Variants in FBH1 observed in about 807,000 individuals in gnomAD.
FBH1 encodes the protein DNA 3'-5' helicase 1.
Under a neutral mutation model 115.5 loss-of-function variants are expected in FBH1, and 43 were observed. That is an observed-to-expected ratio of 0.37 (90% CI 0.29 to 0.48). FBH1 has a LOEUF of 0.48. Ranked by LOEUF, FBH1 falls within the 20% of genes least tolerant of loss-of-function variation. FBH1 has a pLI of 0.99. For missense variants in FBH1, 1,001 were observed against 1,337.3 expected (o/e 0.75, Z 3.92); for synonymous variants, 524 against 507.8 (o/e 1.03, Z -0.43).
rs1589043549 is a variant in FBH1, at chr10:5,895,150, G to A, written c.1+4804G>A. 1 of 1,613,938 alleles carries A rather than the reference G, an allele frequency of 6.2e-7. No homozygotes were observed. The highest frequency in any genetic ancestry group is 8.5e-7 in the Non-Finnish European group (1 of 1,179,904). On this transcript the variant is annotated intron_variant, in intron 1 of 20. Transcript: ENST00000362091. The surrounding 1 kb of genome is among the most constrained non-coding windows in gnomAD (Gnocchi z 5.0). ...ATCTCCACAGGAGATGCCAGAGGAC[G>A]AGTGCCCACTTGCTGGTCTTCACAG...
chr10:5,895,357 C>A lies in FBH1; in HGVS notation c.1+5011C>A, dbSNP rs767698061. 2.6e-5 allele frequency among the ~76,000 whole-genome samples: 4 copies of A among 152,166 alleles called. No individual in the cohort carries two copies. Among genetic ancestry groups the A allele is most frequent in the Non-Finnish European group, 1.5e-5 (1 of 67,990 alleles). Reference sequence around the variant, plus strand: ...TCAACTTGATTTTTTTTTGAAAAAGCAATTATTTAATAATAATATTTACTT... The same window carrying A: ...TCAACTTGATTTTTTTTTGAAAAAGAAATTATTTAATAATAATATTTACTT... On this transcript the variant is annotated intron_variant, in intron 1 of 20. Coordinates refer to ENST00000362091, the MANE Select transcript of FBH1 (RefSeq NM_178150.3). The surrounding 1 kb of genome is among the most constrained non-coding windows in gnomAD (Gnocchi z 5.0).
rs1259438417 is a variant in FBH1, at chr10:5,932,563, G to T, written c.2830-3893G>T. On this transcript the variant is annotated intron_variant, in intron 19 of 20. Transcript: ENST00000362091. The surrounding 1 kb of genome is among the most constrained non-coding windows in gnomAD (Gnocchi z 5.9). ...ATTTATGCCGTTCTCGCTCATGGACGTGGTCACTTCCAGCCTTTTGCTTTC... is the reference window on the plus strand; with the variant it reads ...ATTTATGCCGTTCTCGCTCATGGACTTGGTCACTTCCAGCCTTTTGCTTTC... 6.6e-6 allele frequency among the ~76,000 whole-genome samples: 1 copy of T among 152,166 alleles called. No homozygotes were observed. The highest frequency in any genetic ancestry group is 6.5e-5 in the Admixed American group (1 of 15,278).
Position 5,913,615 on chromosome 10 carries a change from T to C in FBH1, c.1212-132T>C, listed in dbSNP as rs767055597. ...AGATATATTTAAATCCTTTTCTTTC[T>C]TTTTTCCATTAAATGGTGGTAGGTA... is the stretch of plus-strand genomic sequence containing the variant. On this transcript the variant is annotated intron_variant, in intron 6 of 20. Coordinates refer to ENST00000362091, the MANE Select transcript of FBH1 (RefSeq NM_178150.3). This position sits in a 1 kb window ranked among gnomAD's most constrained non-coding sequence, Gnocchi z 4.4. 3.3e-6 allele frequency: 2 copies of C among 605,344 alleles called. No individual in the cohort carries two copies. The allele number at this position is 605,344 out of a possible 1,614,324, so 37.5% of individuals were successfully genotyped here.
intron 13 of FBH1, among the ~76,000 whole-genome samples, chr10:5,919,462 G>T (rs1832186431): frequency 1.3e-5 from 2 of 151,948 alleles, no homozygotes; most frequent in Admixed American, 1.3e-4. Flanking sequence ...CTCCAGCCTG[G>T]GTGACAGAAT....
At position 5,914,292 on chromosome 10, in the gene FBH1, C is replaced by G; in HGVS notation, c.1396+23C>G. ...CCGGTAAGGGAGCCCACATCAGGTT[C>G]ACGAGGTGGTGGTTTTCTGCCTTTT... On this transcript the variant is annotated intron_variant, in intron 8 of 20. Coordinates refer to ENST00000362091, the MANE Select transcript of FBH1 (RefSeq NM_178150.3). The surrounding 1 kb of genome is among the most constrained non-coding windows in gnomAD (Gnocchi z 5.2). The G allele has an allele frequency of 2.5e-6, 4 of 1,608,054 alleles. No individual in the cohort carries two copies. Among genetic ancestry groups the G allele is most frequent in the Non-Finnish European group, 3.4e-6 (4 of 1,174,452 alleles).
In FBH1 at chr10:5,925,207, T is replaced by C. The variant is rs983618794; in HGVS notation, c.2597-160T>C. The C allele has an allele frequency of 2.0e-5, 17 of 836,182 alleles. No homozygotes were observed. Among genetic ancestry groups the C allele is most frequent in the Non-Finnish European group, 3.1e-5 (17 of 550,026 alleles). The allele number at this position is 836,182 out of a possible 1,614,324, so 51.8% of individuals were successfully genotyped here. A position where few individuals can be genotyped will look rare whatever the true frequency, so the allele number is the denominator to read the frequency against. On this transcript the variant is annotated intron_variant, in intron 17 of 20. Transcript: ENST00000362091. This position sits in a 1 kb window ranked among gnomAD's most constrained non-coding sequence, Gnocchi z 4.6. The stretch of plus-strand genomic sequence containing the variant: ...CTTTTTTCTGTTCCCGACAGTTGTC[T>C]GTTCCCGACAGTTGTTTCCTCTTTC...
rs748874340 is a variant in FBH1, at chr10:5,936,505, T to G, written c.2879T>G (p.Val960Gly). The G allele has an allele frequency of 6.2e-7, 1 of 1,614,090 alleles. No individual in the cohort carries two copies. Among genetic ancestry groups the G allele is most frequent in the South Asian group, 1.1e-5 (1 of 91,084 alleles). ...ACAAGCAACGTCTTAAAAACAGGCG[T>G]GGTGCGCTGCTGCGTGGGACAGTGC... Reference protein sequence around the residue: ...ELTSNVLKTGVVRCCVGQCNN... With the variant: ...ELTSNVLKTGGVRCCVGQCNN... The change falls in exon 20 of 21, where the codon GTG (valine) becomes GGG (glycine). Residue 960 changes from valine (V) to glycine (G), a missense_variant. Val to Gly is a moderately radical substitution (Grantham distance 109, BLOSUM62 -3). Coordinates refer to ENST00000362091, the MANE Select transcript of FBH1 (RefSeq NM_178150.3). The surrounding 1 kb of genome is among the most constrained non-coding windows in gnomAD (Gnocchi z 5.6).
intron 1 of FBH1, chr10:5,893,911 A>C (rs545393905): frequency 1.2e-6 from 1 of 846,550 alleles, no homozygotes; most frequent in South Asian, 5.4e-5. Context: ...AAATATATAA[A>C]ATTATATTCT....
Position 5,911,524 on chromosome 10 carries a change from T to G in FBH1, c.1211+396T>G, listed in dbSNP as rs975757166. 2.6e-5 allele frequency among the ~76,000 whole-genome samples: 4 copies of G among 152,176 alleles called. No homozygotes were observed. Among genetic ancestry groups the G allele is most frequent in the South Asian group, 4.1e-4 (2 of 4,828 alleles). On this transcript the variant is annotated intron_variant, in intron 6 of 20. Transcript: ENST00000362091. This position sits in a 1 kb window ranked among gnomAD's most constrained non-coding sequence, Gnocchi z 5.4. Reference sequence around the variant, plus strand: ...AAAGACTCATCCACCTTATCCTCCATGCGGGAGAGGCTATGGCGTGTCGGC... The same window carrying G: ...AAAGACTCATCCACCTTATCCTCCAGGCGGGAGAGGCTATGGCGTGTCGGC...
chr10:5,924,273 G>A lies in FBH1; in HGVS notation c.2399-38G>A, dbSNP rs1205425201. 6.2e-7 allele frequency: 1 copy of A among 1,604,474 alleles called. No homozygotes were observed. The highest frequency in any genetic ancestry group is 8.5e-7 in the Non-Finnish European group (1 of 1,171,852). On this transcript the variant is annotated intron_variant, in intron 16 of 20. Transcript: ENST00000362091. This position sits in a 1 kb window ranked among gnomAD's most constrained non-coding sequence, Gnocchi z 6.2. ...GCACCTGCCACCATCTGTTAGTGGA[G>A]CTTGTGTCACCTTAATTTGTGTGTA... is the stretch of plus-strand genomic sequence containing the variant.
At chr10:5,905,405 C>T (rs1220868781) in intron 2 of FBH1, 1 of 152,324 alleles carries the variant, frequency 6.6e-6, no homozygotes, top group African/African-American at 2.4e-5. Flanking sequence ...GTAGTCCCAG[C>T]TACTTGGGAG....
rs914065517 is a variant in FBH1 at position 5,910,527 on chromosome 10, G to A, written c.1021-411G>A. ...GCGTGCGGCCCTCTCCTGTGTCTGC[G>A]TCTCTCATGCCTCTTGGGTGGGCGC... On this transcript the variant is annotated intron_variant, in intron 5 of 20. Coordinates refer to ENST00000362091, the MANE Select transcript of FBH1 (RefSeq NM_178150.3). This position sits in a 1 kb window ranked among gnomAD's most constrained non-coding sequence, Gnocchi z 4.8. 1.3e-5 allele frequency among the ~76,000 whole-genome samples: 2 copies of A among 152,076 alleles called. No homozygotes were observed. The highest frequency in any genetic ancestry group is 2.9e-5 in the Non-Finnish European group (2 of 68,030).
intron 2 of FBH1, among the ~76,000 whole-genome samples, 181 bp downstream of exon 2, chr10:5,903,356 G>A (rs1003891190): frequency 2.7e-5 from 4 of 148,988 alleles, no homozygotes; most frequent in Non-Finnish European, 4.5e-5. Context: ...TTGAGACGGA[G>A]TTTCAATCTT....
chr10:5,911,395 G>C lies in FBH1; in HGVS notation c.1211+267G>C, dbSNP rs1362708753. On this transcript the variant is annotated intron_variant, in intron 6 of 20. Transcript: ENST00000362091. This position sits in a 1 kb window ranked among gnomAD's most constrained non-coding sequence, Gnocchi z 5.4. ...TACCATCATGGGTCCTGCAGCCTTA[G>C]GGGAAGCCCCTCGCCAAGAGAAGCC... is the stretch of plus-strand genomic sequence containing the variant. Among the ~76,000 whole-genome samples the C allele has an allele frequency of 6.6e-6, 1 of 152,240 alleles. No individual in the cohort carries two copies. Among genetic ancestry groups the C allele is most frequent in the African/African-American group, 2.4e-5 (1 of 41,466 alleles).
At chr10:5,890,459 C>T (rs1842637937) in intron 1 of FBH1, 113 bp downstream of exon 1, 3 of 327,864 alleles carry the variant, frequency 9.2e-6, no homozygotes, top group South Asian at 2.8e-4. Flanking sequence ...GCAGCGGGGG[C>T]CCCGGGGGCG....
At position 5,904,314 on chromosome 10, in the gene FBH1, C is replaced by T. The variant is rs142436498; in HGVS notation, c.157+1139C>T. Reference sequence around the variant, plus strand: ...TCTCAAACTGCCAGGATTACAGGTGCGAGCCACCTCTCCCAGCCTGGTTGT... The same window carrying T: ...TCTCAAACTGCCAGGATTACAGGTGTGAGCCACCTCTCCCAGCCTGGTTGT... On this transcript the variant is annotated intron_variant, in intron 2 of 20. Transcript: ENST00000362091. Among the ~76,000 whole-genome samples, 87 of 152,232 alleles carry T rather than the reference C, an allele frequency of 5.7e-4. 1 individual carries two copies. The highest frequency in any genetic ancestry group is 3.4e-3 in the Middle Eastern group (1 of 294).
In FBH1 at chr10:5,923,733, G is replaced by A. The variant is rs754401725; in HGVS notation, c.2398+37G>A. The A allele has an allele frequency of 8.9e-6, 14 of 1,565,028 alleles. No individual in the cohort carries two copies. The highest frequency in any genetic ancestry group is 6.8e-5 in the South Asian group (6 of 88,204). On this transcript the variant is annotated intron_variant, in intron 16 of 20. Coordinates refer to ENST00000362091, the MANE Select transcript of FBH1 (RefSeq NM_178150.3). This position sits in a 1 kb window ranked among gnomAD's most constrained non-coding sequence, Gnocchi z 5.7. ...CCTGGCCTTGGTGCATTGGAAGGACGCACCCAAGTGACAGGGACGAGAAAG... is the reference window on the plus strand; with the variant it reads ...CCTGGCCTTGGTGCATTGGAAGGACACACCCAAGTGACAGGGACGAGAAAG...
At position 5,932,786 on chromosome 10, in the gene FBH1, T is replaced by G. The variant is rs569319953; in HGVS notation, c.2830-3670T>G. The stretch of plus-strand genomic sequence containing the variant: ...AGGCTGGAATATGGCGGCACAATCT[T>G]GGCCCACTGCAACCTCCGCCTCCCA... On this transcript the variant is annotated intron_variant, in intron 19 of 20. Transcript: ENST00000362091. This position sits in a 1 kb window ranked among gnomAD's most constrained non-coding sequence, Gnocchi z 5.9. 1.7e-4 allele frequency among the ~76,000 whole-genome samples: 26 copies of G among 152,300 alleles called. No individual in the cohort carries two copies. The highest frequency in any genetic ancestry group is 5.8e-4 in the African/African-American group (24 of 41,562).
Position 5,909,167 on chromosome 10 carries a change from C to G in FBH1, c.893C>G (p.Ala298Gly). 1 of 1,613,624 alleles carries G rather than the reference C, an allele frequency of 6.2e-7. No homozygotes were observed. Among genetic ancestry groups the G allele is most frequent in the South Asian group, 1.1e-5 (1 of 91,058 alleles). Residue 298 changes from alanine to glycine, a missense_variant, in exon 5 of 21, where the codon GCC (alanine) becomes GGC (glycine). This residue lies in a region of FBH1 where 420 missense variants were observed against 430.4 expected (regional missense o/e 0.98). Transcript: ENST00000362091. The surrounding 1 kb of genome is among the most constrained non-coding windows in gnomAD (Gnocchi z 4.4). ...CTGTGAATGTCTTACAGATACACAG[C>G]CACCACTAAGTGCTCTCCGAGTGTG... ...LCVLNLIRYT[A>G]TTKCSPSVDP... is the part of the protein sequence containing the mutation.
Sources: allele counts gnomAD v4.1 joint callset (sites outside exome capture counted in the v4.1 genomes callset), GRCh38; gene constraint gnomAD v4.1.1; regional missense constraint gnomAD v4.1.1; non-coding constraint Gnocchi (gnomAD v3.1); transcripts MANE v1.5; gene names NCBI Gene and HGNC (gene_info 2026-07-23, HGNC 2026-07-21).